Variants in TMEM232 observed in about 807,000 individuals in gnomAD.
TMEM232 encodes transmembrane protein 232.
Under a neutral mutation model 78.8 loss-of-function variants are expected in TMEM232, and 80 were observed. The observed-to-expected ratio is 1.01, with a 90% CI of 0.85 to 1.22. TMEM232 has a LOEUF of 1.22. Ranked by LOEUF, TMEM232 falls within the 50% of genes most tolerant of loss-of-function variation. TMEM232 has a pLI of 0.00. For synonymous variants in TMEM232, 297 were observed against 254.3 expected, an observed-to-expected ratio of 1.17 and a Z score of -1.60; for missense variants, 881 against 742.2, an observed-to-expected ratio of 1.19 and a Z score of -2.17.
At chr5:110,673,621 C>G (rs1263330150) in intron 1 of TMEM232, among the ~76,000 whole-genome samples, 1 of 152,098 alleles carries the variant, frequency 6.6e-6, no homozygotes, top group Non-Finnish European at 1.5e-5. Flanking sequence ...CCAGCAGCTC[C>G]CAGCCTGTGT....
chr5:110,623,806 T>A (rs1404072879), intron 7 of TMEM232, among the ~76,000 whole-genome samples: 1 of 152,114 alleles, frequency 6.6e-6, no homozygotes, highest in Non-Finnish European at 1.5e-5. Flanking sequence ...TCTGTTATAA[T>A]CCCCTTACAG....
Position 110,671,814 on chromosome 5 carries a change from C to T in TMEM232, c.-12-4450G>A, listed in dbSNP as rs371568010. On this transcript the variant is annotated intron_variant, in intron 1 of 13. Transcript: ENST00000455884. ...AATGTAGATGATGGGTTGATGGGTG[C>T]AGCAAACCACCATGGCATGTACATA... Among the ~76,000 whole-genome samples, 4 of 152,196 alleles carry T rather than the reference C, an allele frequency of 2.6e-5. No homozygotes were observed. The East Asian group carries it at 7.7e-4, about 29-fold the overall frequency.
chr5:110,451,419 G>C (rs1008117296), intron 12 of TMEM232, among the ~76,000 whole-genome samples: 6 of 151,984 alleles, frequency 3.9e-5, no homozygotes, highest in African/African-American at 1.2e-4. Context: ...CTAAAACTTT[G>C]ATGGCATCTC....
chr5:110,501,674 C>A (rs944875998), intron 12 of TMEM232, among the ~76,000 whole-genome samples: 5 of 152,126 alleles, frequency 3.3e-5, no homozygotes, highest in Admixed American at 3.3e-4. Context: ...GGAATTTTCC[C>A]ATTCACATTT....
At chr5:110,423,060 A>G (rs2112623992) in intron 13 of TMEM232, among the ~76,000 whole-genome samples, 1 of 152,302 alleles carries the variant, frequency 6.6e-6, no homozygotes, top group East Asian at 1.9e-4. Flanking sequence ...TTCCCTGCAT[A>G]TGATAACCCT....
chr5:110,453,945 T>C (rs757623899), intron 12 of TMEM232, among the ~76,000 whole-genome samples: 5 of 152,116 alleles, frequency 3.3e-5, no homozygotes, highest in Non-Finnish European at 7.4e-5. Flanking sequence ...AAAAAATCAA[T>C]TCACTAAGAA....
chr5:110,672,497 A>G (rs1791488300), intron 1 of TMEM232, among the ~76,000 whole-genome samples: 1 of 152,188 alleles, frequency 6.6e-6, no homozygotes, highest in Admixed American at 6.5e-5. Context: ...CCTCTAATAT[A>G]TTTTATTACT....
chr5:110,645,635 A>C (rs1034857784), intron 2 of TMEM232, among the ~76,000 whole-genome samples: 2 of 151,640 alleles, frequency 1.3e-5, no homozygotes, highest in South Asian at 2.1e-4. Context: ...GAAAGAAAAC[A>C]GAAAACTTTG....
At chr5:110,539,459 G>T (rs1263710214) in intron 11 of TMEM232, among the ~76,000 whole-genome samples, 1 of 152,126 alleles carries the variant, frequency 6.6e-6, no homozygotes, top group Non-Finnish European at 1.5e-5. Context: ...TACCCTCCTG[G>T]CTCAGGTGCC....
chr5:110,698,636 A>G (rs1795082539), intron 1 of TMEM232, among the ~76,000 whole-genome samples: 1 of 151,970 alleles, frequency 6.6e-6, no homozygotes, highest in African/African-American at 2.4e-5. Flanking sequence ...ATGGTGGGTT[A>G]CCTGGAATCC....
chr5:110,531,644 T>A (rs1316759209), intron 11 of TMEM232, among the ~76,000 whole-genome samples: 1 of 152,072 alleles, frequency 6.6e-6, no homozygotes, highest in African/African-American at 2.4e-5. Flanking sequence ...CTTTTAGCCC[T>A]CCCCCACCTG....
At chr5:110,557,140 C>A (rs1775187829) in intron 11 of TMEM232, among the ~76,000 whole-genome samples, 1 of 152,042 alleles carries the variant, frequency 6.6e-6, no homozygotes, top group Non-Finnish European at 1.5e-5. Flanking sequence ...CTCCAAGATT[C>A]TTTTCTCAGC....
chr5:110,663,717 C>G (rs1016318597), intron 2 of TMEM232, among the ~76,000 whole-genome samples: 14 of 131,016 alleles, frequency 1.1e-4, no homozygotes, highest in Admixed American at 7.9e-4. Context: ...CTCTTATAGA[C>G]TGGGGAAGGA....
At chr5:110,533,298 G>A (rs895017141) in intron 11 of TMEM232, among the ~76,000 whole-genome samples, 3 of 152,080 alleles carry the variant, frequency 2.0e-5, no homozygotes, top group African/African-American at 4.8e-5. Context: ...AAGCACACAT[G>A]CTCTCCCTGC....
chr5:110,430,067 T>C (rs1034077218), intron 12 of TMEM232: 2 of 151,494 alleles, frequency 1.3e-5, no homozygotes, highest in Non-Finnish European at 3.0e-5. Flanking sequence ...CAATCTGGAA[T>C]ATGTGGTGGT....
chr5:110,610,123 CAGAGA>C (rs1190032338), intron 8 of TMEM232, among the ~76,000 whole-genome samples: 2 of 148,290 alleles, frequency 1.3e-5, no homozygotes, highest in African/African-American at 5.1e-5. Flanking sequence ...ACAGAAATAA[CAGAGA>C]AAAGTCTTTC....
intron 5 of TMEM232, among the ~76,000 whole-genome samples, chr5:110,628,307 C>T (rs1185934432): frequency 6.6e-6 from 1 of 151,940 alleles, no homozygotes; most frequent in Non-Finnish European, 1.5e-5. Flanking sequence ...AATTGCAATG[C>T]AAAAGGTATT....
chr5:110,549,978 C>A (rs962333645), intron 11 of TMEM232, among the ~76,000 whole-genome samples: 5 of 151,996 alleles, frequency 3.3e-5, no homozygotes, highest in Admixed American at 2.6e-4. Flanking sequence ...CTTCATTAGC[C>A]AAGAATAACT....
chr5:110,388,636 C>A (rs1424102001), intron 4 of TMEM232, among the ~76,000 whole-genome samples: 4 of 152,040 alleles, frequency 2.6e-5, no homozygotes, highest in Non-Finnish European at 4.4e-5. Context: ...TCAATCACAT[C>A]TTCCCAATCC....
Sources: gnomAD v4.1 joint callset for allele counts (sites outside exome capture counted in the v4.1 genomes callset) on GRCh38, gnomAD v4.1.1 for gene constraint, MANE v1.5 for transcripts, NCBI Gene and HGNC (gene_info 2026-07-23, HGNC 2026-07-21) for gene names.